Variants in THAP4 observed in about 807,000 individuals in gnomAD.
The protein encoded by THAP4 is THAP domain containing 4.
THAP4 carries 18 observed loss-of-function variants against 48.1 expected under a neutral mutation model. That is an observed-to-expected ratio of 0.37 (90% CI 0.26 to 0.56). The LOEUF (loss-of-function observed/expected upper bound fraction) is 0.56, where lower values mean the gene tolerates loss of function less well. THAP4 is among the 20% of genes least tolerant of loss of function. THAP4 has a pLI of 0.78. For missense variants in THAP4, 656 were observed against 774.9 expected, an observed-to-expected ratio of 0.85 and a Z score of 1.82; for synonymous variants, 345 against 324.9, an observed-to-expected ratio of 1.06 and a Z score of -0.66.
chr2:241,607,741 TCTC>T (rs1469864516), intron 2 of THAP4, among the ~76,000 whole-genome samples: 1 of 100,456 alleles, frequency 1.0e-5, no homozygotes, highest in Non-Finnish European at 2.0e-5. Context: ...ACCCCCAGTG[TCTC>T]CTCCAGGCCC....
rs1156554845 is a variant in THAP4 at position 241,584,544 on chromosome 2, G to C, written c.*62C>G. On this transcript the variant is annotated 3_prime_UTR_variant, in exon 6 of 6. Coordinates refer to ENST00000407315, the MANE Select transcript of THAP4 (RefSeq NM_015963.6). ...ACTTCTGCCGCAGGGACTGTCTGTT[G>C]AGGAGCCGAACCGTTGAGGCACAGT... The C allele has an allele frequency of 2.5e-6, 4 of 1,598,510 alleles. No homozygotes were observed. The Admixed American group carries it at 6.7e-5, about 27-fold the overall frequency.
chr2:241,585,073 GT>G (rs2066877429), intron 5 of THAP4: 1 of 250,244 alleles, frequency 4.0e-6, no homozygotes, highest in Non-Finnish European at 7.9e-6. Context: ...CCTTTTTTTG[GT>G]CTCTACAAAT....
chr2:241,588,763 T>C (rs1193200207), intron 5 of THAP4, among the ~76,000 whole-genome samples: 1 of 152,206 alleles, frequency 6.6e-6, no homozygotes, highest in African/African-American at 2.4e-5. Context: ...CCTCATACCA[T>C]CTAGAAATAG....
In THAP4 at chr2:241,589,127, C is replaced by T. The variant is rs527823614; in HGVS notation, c.1615-4402G>A. On this transcript the variant is annotated intron_variant, in intron 5 of 5. Transcript: ENST00000407315. ...ACTTGGGAGGCTGAGAGAGGATAAT[C>T]GCTTGAATCTGGGAGGTAGAGGTTG... is the stretch of plus-strand genomic sequence containing the variant. Among the ~76,000 whole-genome samples the T allele has an allele frequency of 3.0e-4, 46 of 150,986 alleles. No individual in the cohort carries two copies. The South Asian group carries it at 7.4e-3, about 24-fold the overall frequency.
At chr2:241,603,902 C>G (rs988105632) in intron 3 of THAP4, among the ~76,000 whole-genome samples, 6 of 151,828 alleles carry the variant, frequency 4.0e-5, no homozygotes, top group Non-Finnish European at 8.8e-5. Flanking sequence ...GCCGTAATCC[C>G]AGCACTTCAG....
chr2:241,597,569 C>T (rs1288169553), intron 5 of THAP4, among the ~76,000 whole-genome samples: 1 of 152,204 alleles, frequency 6.6e-6, no homozygotes, highest in Non-Finnish European at 1.5e-5. Context: ...CCAGGAAATT[C>T]CCCCAACACT....
intron 5 of THAP4, among the ~76,000 whole-genome samples, chr2:241,595,015 T>A (rs1300563637): frequency 1.3e-5 from 2 of 151,418 alleles, no homozygotes; most frequent in Non-Finnish European, 2.9e-5. Flanking sequence ...TGTGAAGATC[T>A]TTTTTTTTCT....
chr2:241,609,055 A>T (rs1026610364), intron 2 of THAP4, among the ~76,000 whole-genome samples: 3 of 152,216 alleles, frequency 2.0e-5, no homozygotes, highest in Non-Finnish European at 2.9e-5. Flanking sequence ...GAAGCCCTCG[A>T]GAAGGCTGAG....
At chr2:241,603,166 C>T (rs2067139211) in intron 3 of THAP4, 87 bp from the exon 4 acceptor site, 1 of 1,082,634 alleles carries the variant, frequency 9.2e-7, no homozygotes, top group Admixed American at 1.9e-5. Flanking sequence ...TCCAGGGTGC[C>T]CTCCAGGTGG....
Position 241,603,029 on chromosome 2 carries a change from C to G in THAP4, c.1451G>C (p.Gly484Ala). 1 of 1,614,174 alleles carries G rather than the reference C, an allele frequency of 6.2e-7. No homozygotes were observed. The highest frequency in any genetic ancestry group is 1.3e-5 in the African/African-American group (1 of 75,080). Residue 484 changes from glycine (G) to alanine (A), a missense_variant, in exon 4 of 6, where the codon GGC becomes GCC. This residue lies in a region of THAP4 where 176 missense variants were observed against 256.7 expected (regional missense o/e 0.69). Transcript: ENST00000407315. Reference sequence around the variant, plus strand: ...GGTGTCGGGCTTGAGGCGAATGAAGCCACACTCTCTGTGCATCGGCTTGCG... The same window carrying G: ...GGTGTCGGGCTTGAGGCGAATGAAGGCACACTCTCTGTGCATCGGCTTGCG... Reference protein sequence around the residue: ...DTRKPMHRECGFIRLKPDTNK... With the variant: ...DTRKPMHRECAFIRLKPDTNK...
At chr2:241,586,496 A>G (rs2066898517) in intron 5 of THAP4, among the ~76,000 whole-genome samples, 1 of 151,982 alleles carries the variant, frequency 6.6e-6, no homozygotes, top group Non-Finnish European at 1.5e-5. Context: ...TTTCACACAT[A>G]TTGTCTAGAA....
Position 241,587,915 on chromosome 2 carries a change from CA to C in THAP4, c.1615-3191del, listed in dbSNP as rs983562008. Among the ~76,000 whole-genome samples, 15 of 137,860 alleles carry C rather than the reference CA, an allele frequency of 1.1e-4. No individual in the cohort carries two copies. The Admixed American group carries it at 1.1e-3, about 10-fold the overall frequency. The allele number at this position is 137,860 out of a possible 152,430, so 90.4% of individuals were successfully genotyped here. A position where few individuals can be genotyped will look rare whatever the true frequency, so the allele number is the denominator to read the frequency against. Reference sequence around the variant, plus strand: ...GGGCAACAAGAGAGAAACTCCATCTCAAAAAAAAAGAAAAAAATCACTAGAG... The same window carrying C: ...GGGCAACAAGAGAGAAACTCCATCTCAAAAAAAAGAAAAAAATCACTAGAG... On this transcript the variant is annotated intron_variant, in intron 5 of 5. Coordinates refer to ENST00000407315, the MANE Select transcript of THAP4 (RefSeq NM_015963.6).
intron 3 of THAP4, among the ~76,000 whole-genome samples, chr2:241,605,582 G>C (rs894450942): frequency 6.6e-6 from 1 of 152,172 alleles, no homozygotes; most frequent in Non-Finnish European, 1.5e-5. Context: ...GGGACCTCAA[G>C]GGGCTTTTGC....
chr2:241,604,840 G>A (rs541806405), intron 3 of THAP4, among the ~76,000 whole-genome samples: 3 of 152,070 alleles, frequency 2.0e-5, no homozygotes, highest in Non-Finnish European at 4.4e-5. Context: ...TTACAGGCAC[G>A]AGCCACCGCG....
chr2:241,585,793 G>C (rs951030156), intron 5 of THAP4, among the ~76,000 whole-genome samples: 3 of 151,626 alleles, frequency 2.0e-5, no homozygotes, highest in African/African-American at 7.3e-5. Flanking sequence ...TGCACATGTA[G>C]TCCCAGCTAC....
intron 3 of THAP4, among the ~76,000 whole-genome samples, chr2:241,603,463 C>G (rs1184267553): frequency 1.4e-5 from 2 of 143,196 alleles, no homozygotes; most frequent in Non-Finnish European, 3.2e-5. Context: ...TGACCCTCAG[C>G]TCCTGAAGAC....
intron 5 of THAP4, among the ~76,000 whole-genome samples, chr2:241,585,432 G>A (rs1410459868): frequency 1.1e-4 from 16 of 151,898 alleles, no homozygotes; most frequent in African/African-American, 2.2e-4. Flanking sequence ...TGGATGAAAC[G>A]GAGTTCTGCT....
rs141378190 is a variant in THAP4 at position 241,601,839 on chromosome 2, T to C, written c.1614+57A>G. On this transcript the variant is annotated intron_variant, in intron 5 of 5. Transcript: ENST00000407315. The surrounding 1 kb of genome is among the most constrained non-coding windows in gnomAD (Gnocchi z 4.0). ...CCTCACGGAAGAGGAAGAGGCTGAC[T>C]CCACAGACCGCTGCAAACAGAAGAC... The C allele has an allele frequency of 7.7e-4, 1,239 of 1,605,456 alleles. 7 individuals carry two copies. In the African/African-American group the frequency reaches 0.015, roughly 19 times the overall value.
At chr2:241,637,452 T>TG, upstream of THAP4, 1 of 1,470,072 alleles carries the variant, frequency 6.8e-7, no homozygotes, top group Non-Finnish European at 9.0e-7. Flanking sequence ...GCGCCACCCA[T>TG]GGCACACAGT....
Sources: gnomAD v4.1 joint callset for allele counts (sites outside exome capture counted in the v4.1 genomes callset) on GRCh38, gnomAD v4.1.1 for gene constraint, gnomAD v4.1.1 regional missense constraint, Gnocchi (gnomAD v3.1) non-coding constraint, MANE v1.5 for transcripts, NCBI Gene and HGNC (gene_info 2026-07-23, HGNC 2026-07-21) for gene names.